Variants in HMBOX1 observed in about 807,000 individuals in gnomAD.
HMBOX1 encodes homeobox-containing protein 1.
Under a neutral mutation model 54.5 loss-of-function variants are expected in HMBOX1, and 14 were observed. The observed-to-expected ratio is 0.26, with a 90% CI of 0.17 to 0.40. The LOEUF (loss-of-function observed/expected upper bound fraction) is 0.40. Among genes scored for constraint, HMBOX1 ranks in the 10% least tolerant of loss-of-function variants. The pLI is 1.00. For missense variants in HMBOX1, 332 were observed against 514.4 expected (o/e 0.65, Z 3.43); for synonymous variants, 160 against 181.0 (o/e 0.88, Z 0.93).
chr8:29,047,508 T>G, intron 8 of HMBOX1, 55 bp downstream of exon 8: 1 of 871,984 alleles, frequency 1.1e-6, no homozygotes, highest in South Asian at 1.4e-5. Context: ...AACGTCATGT[T>G]TATATTAAGA....
chr8:28,984,511 T>C (rs1313873438), intron 4 of HMBOX1, among the ~76,000 whole-genome samples: 2 of 152,230 alleles, frequency 1.3e-5, no homozygotes, highest in Non-Finnish European at 2.9e-5. Flanking sequence ...AATAATATCC[T>C]ACTGATAGGA....
chr8:28,963,781 G>GT lies in HMBOX1; in HGVS notation c.-57-27dup, dbSNP rs988474617. ...TATTCAGCACTTGATTAACATAAAT[G>GT]TTTCTCAATTTTCTATCTTTGTTCT... is the stretch of plus-strand genomic sequence containing the variant. On this transcript the variant is annotated intron_variant, in intron 1 of 9. Transcript: ENST00000287701. 16 of 1,091,938 alleles carry GT rather than the reference G, an allele frequency of 1.5e-5. No individual in the cohort carries two copies. The African/African-American group carries it at 2.4e-4, about 16-fold the overall frequency. 67.6% of individuals were successfully genotyped at this position (1,091,938 alleles called of 1,614,324 possible).
At chr8:28,909,122 G>C (rs1041758921) in intron 1 of HMBOX1, among the ~76,000 whole-genome samples, 40 of 151,590 alleles carry the variant, frequency 2.6e-4, no homozygotes, top group African/African-American at 8.2e-4. Flanking sequence ...AATTACTGTT[G>C]ATTGTACCAC....
At chr8:28,995,052 A>G (rs1831586798) in intron 4 of HMBOX1, among the ~76,000 whole-genome samples, 1 of 152,212 alleles carries the variant, frequency 6.6e-6, no homozygotes, top group African/African-American at 2.4e-5. Context: ...GAACCTTAAA[A>G]CACACACCAA....
chr8:29,021,432 A>G (rs192349580), intron 6 of HMBOX1, among the ~76,000 whole-genome samples: 50 of 152,280 alleles, frequency 3.3e-4, no homozygotes, highest in African/African-American at 1.1e-3. Context: ...GAGCAAAGTA[A>G]AAGACAAATT....
At position 28,965,769 on chromosome 8, in the gene HMBOX1, T is replaced by A. The variant is rs1474599260; in HGVS notation, c.23+1879T>A. 3.9e-5 allele frequency among the ~76,000 whole-genome samples: 6 copies of A among 152,164 alleles called. No homozygotes were observed. The East Asian group carries it at 9.6e-4, about 24-fold the overall frequency. On this transcript the variant is annotated intron_variant, in intron 2 of 9. Coordinates refer to ENST00000287701, the MANE Select transcript of HMBOX1 (RefSeq NM_001135726.3). ...CCTGCCACAGCCTAAGCTCCCAAAGTGTCTGTTAAGCTCTTGAGTGTATAT... is the reference window on the plus strand; with the variant it reads ...CCTGCCACAGCCTAAGCTCCCAAAGAGTCTGTTAAGCTCTTGAGTGTATAT...
intron 5 of HMBOX1, among the ~76,000 whole-genome samples, chr8:29,014,270 GAA>G (rs35567661): frequency 3.3e-5 from 5 of 151,728 alleles, no homozygotes; most frequent in Non-Finnish European, 5.9e-5. Flanking sequence ...TAGATGGGGG[GAA>G]AAAAGATTTC....
intron 9 of HMBOX1, among the ~76,000 whole-genome samples, chr8:29,049,797 C>T (rs1266371177): frequency 2.0e-5 from 3 of 152,176 alleles, no homozygotes; most frequent in African/African-American, 7.2e-5. Flanking sequence ...GCAGAGAACG[C>T]ATGGTACCTT....
chr8:28,959,668 A>G (rs1472892875), intron 1 of HMBOX1, among the ~76,000 whole-genome samples: 2 of 152,190 alleles, frequency 1.3e-5, no homozygotes, highest in Non-Finnish European at 2.9e-5. Flanking sequence ...TTGCTGTTGA[A>G]TAATTCTGGC....
intron 4 of HMBOX1, among the ~76,000 whole-genome samples, chr8:29,000,402 T>C (rs1223316209): frequency 1.3e-5 from 2 of 152,224 alleles, no homozygotes; most frequent in Admixed American, 6.5e-5. Flanking sequence ...TACAAGTTCA[T>C]GACCTTCTAG....
intron 1 of HMBOX1, chr8:28,924,858 C>G (rs1378981550): frequency 6.6e-6 from 1 of 151,276 alleles, no homozygotes; most frequent in Non-Finnish European, 1.5e-5. Flanking sequence ...GTGATCCACC[C>G]GCCTCGGCCT....
In HMBOX1 at chr8:29,030,428, A is replaced by G. The variant is rs111323962; in HGVS notation, c.851+11515A>G. On this transcript the variant is annotated intron_variant, in intron 6 of 9. Coordinates refer to ENST00000287701, the MANE Select transcript of HMBOX1 (RefSeq NM_001135726.3). ...GAGACGGGGTTTCTCTATGTTGGTC[A>G]GGCTAGTCTTGAACTCCCAACCTCA... Among the ~76,000 whole-genome samples the G allele has an allele frequency of 4.4e-3, 673 of 152,224 alleles. 9 individuals carry two copies. The East Asian group carries it at 0.054, about 12-fold the overall frequency.
chr8:29,018,850 C>T lies in HMBOX1; in HGVS notation c.788C>T (p.Thr263Ile), dbSNP rs1800735206. The T allele has an allele frequency of 6.2e-7, 1 of 1,614,048 alleles. No homozygotes were observed. Among genetic ancestry groups the T allele is most frequent in the Admixed American group, 1.7e-5 (1 of 60,010 alleles). Residue 263 changes from threonine to isoleucine, a missense_variant, in exon 6 of 10, where the codon ACT becomes ATT. This residue lies in a region of HMBOX1 where 117 missense variants were observed against 220.0 expected (regional missense o/e 0.53). Transcript: ENST00000287701. ...CCCCCAGTCTCTGCCACATCTGGTA[C>T]TTTCCGACTGCGACGAGGGAGTCGA... ...TPPPVSATSG[T>I]FRLRRGSRFT...
chr8:28,934,887 A>T (rs1462522672), intron 1 of HMBOX1, among the ~76,000 whole-genome samples: 1 of 151,218 alleles, frequency 6.6e-6, no homozygotes, highest in Admixed American at 6.6e-5. Flanking sequence ...AGATCGCGCC[A>T]CTGGACTCCA....
At chr8:29,038,377 T>C (rs997520444) in intron 6 of HMBOX1, among the ~76,000 whole-genome samples, 3 of 152,212 alleles carry the variant, frequency 2.0e-5, no homozygotes, top group Non-Finnish European at 4.4e-5. Context: ...TTATCATTTT[T>C]TTATTGCTAC....
chr8:29,001,186 C>T (rs544475973), intron 4 of HMBOX1, among the ~76,000 whole-genome samples: 4 of 152,280 alleles, frequency 2.6e-5, no homozygotes, highest in East Asian at 1.9e-4. Flanking sequence ...TTGAAAAATA[C>T]AGCACCAATT....
chr8:28,985,293 A>G (rs990535272), intron 4 of HMBOX1, among the ~76,000 whole-genome samples: 1 of 152,288 alleles, frequency 6.6e-6, no homozygotes, highest in Middle Eastern at 3.4e-3. Context: ...ACGTAGTGGC[A>G]GGGGGAACGG....
intron 1 of HMBOX1, among the ~76,000 whole-genome samples, chr8:28,904,059 C>T (rs1376310992): frequency 6.6e-6 from 1 of 152,158 alleles, no homozygotes; most frequent in Admixed American, 6.5e-5. Flanking sequence ...TTGAGAAACT[C>T]TGATCTAGGG....
At chr8:28,963,383 ATT>A (rs1459438318) in intron 1 of HMBOX1, among the ~76,000 whole-genome samples, 1 of 152,176 alleles carries the variant, frequency 6.6e-6, no homozygotes, top group African/African-American at 2.4e-5. Context: ...TACCTTGTAC[ATT>A]TTGCATATAT....
Sources: allele counts gnomAD v4.1 joint callset (sites outside exome capture counted in the v4.1 genomes callset), GRCh38; gene constraint gnomAD v4.1.1; regional missense constraint gnomAD v4.1.1; transcripts MANE v1.5; gene names NCBI Gene and HGNC (gene_info 2026-07-23, HGNC 2026-07-21).